SPAG6: variants seen among roughly 807,000 people sequenced by gnomAD.
SPAG6 encodes the protein sperm associated antigen 6.
In SPAG6, 49 loss-of-function variants were observed where a neutral mutation model predicts 58.5. That is an observed-to-expected ratio of 0.84 (90% CI 0.67 to 1.06). The LOEUF (loss-of-function observed/expected upper bound fraction) is 1.06, where lower values mean the gene tolerates loss of function less well. Among genes scored for constraint, SPAG6 ranks in the 50% least tolerant of loss-of-function variants. The probability of loss-of-function intolerance (pLI) is 0.00; values close to 1 mark genes in which losing one functional copy is unlikely to be tolerated. For synonymous variants in SPAG6, 233 were observed against 225.6 expected (o/e 1.03, Z -0.29); for missense variants, 560 against 611.3 (o/e 0.92, Z 0.89).
Position 22,387,888 on chromosome 10 carries a change from TG to T in SPAG6, c.745del (p.Glu249LysfsTer12). 1 of 1,613,686 alleles carries T rather than the reference TG, an allele frequency of 6.2e-7. No homozygotes were observed. The highest frequency in any genetic ancestry group is 2.2e-5 in the East Asian group (1 of 44,866). Reference sequence around the variant, plus strand: ...CCGTGGATCTGGCAGAAATGGTTGTTGAAGCAGAGATTTTTCCAGTTGTACT... The same window carrying T: ...CCGTGGATCTGGCAGAAATGGTTGTTAAGCAGAGATTTTTCCAGTTGTACT... ...HSVDLAEMVV[E>X]AEIFPVVLTC... On this transcript the variant is annotated frameshift_variant, in exon 6 of 11. Coordinates refer to ENST00000376624, the MANE Select transcript of SPAG6 (RefSeq NM_012443.4). LOFTEE classifies it high-confidence loss of function.
intron 2 of SPAG6, among the ~76,000 whole-genome samples, chr10:22,361,875 C>T (rs1385993029): frequency 6.6e-6 from 1 of 150,898 alleles, no homozygotes; most frequent in Non-Finnish European, 1.5e-5. Context: ...ATTCTTAAAT[C>T]CTTAATATGT....
intron 4 of SPAG6, among the ~76,000 whole-genome samples, chr10:22,380,663 A>G (rs963495838): frequency 3.9e-5 from 6 of 152,106 alleles, no homozygotes; most frequent in Admixed American, 3.9e-4. Context: ...TTGAAGTGAT[A>G]CAGCTGTATA....
At chr10:22,361,045 G>A (rs1837022174) in intron 2 of SPAG6, 2 of 527,700 alleles carry the variant, frequency 3.8e-6, no homozygotes, top group East Asian at 6.0e-5. Flanking sequence ...AGGAAGAGAA[G>A]CACATGGGGA....
chr10:22,349,813 A>G (rs1836668018), intron 2 of SPAG6, among the ~76,000 whole-genome samples: 1 of 152,208 alleles, frequency 6.6e-6, no homozygotes, highest in Admixed American at 6.5e-5. Context: ...AGGCAACTTA[A>G]TGGGTTCAGA....
intron 9 of SPAG6, among the ~76,000 whole-genome samples, chr10:22,405,872 G>C (rs1322741611): frequency 3.3e-5 from 5 of 152,212 alleles, no homozygotes; most frequent in East Asian, 1.9e-4. Flanking sequence ...TTGGGAGAGT[G>C]TATGTGTCGA....
intron 9 of SPAG6, among the ~76,000 whole-genome samples, chr10:22,409,816 A>G (rs546643373): frequency 6.6e-6 from 1 of 151,744 alleles, no homozygotes; most frequent in Non-Finnish European, 1.5e-5. Flanking sequence ...AAATTTCTTC[A>G]TTTCCACTGG....
intron 9 of SPAG6, among the ~76,000 whole-genome samples, chr10:22,403,597 G>A (rs1457464108): frequency 8.1e-5 from 12 of 148,608 alleles, no homozygotes; most frequent in South Asian, 6.3e-4. Flanking sequence ...ATAAACATAC[G>A]TGTGCATGTG....
At chr10:22,360,205 C>A (rs1034428381) in intron 2 of SPAG6, among the ~76,000 whole-genome samples, 3 of 151,690 alleles carry the variant, frequency 2.0e-5, no homozygotes, top group Non-Finnish European at 2.9e-5. Flanking sequence ...ATATATGTAT[C>A]CCTATTGCTT....
At chr10:22,386,638 T>A in intron 4 of SPAG6, 116 bp from the exon 5 acceptor site, 2 of 748,998 alleles carry the variant, frequency 2.7e-6, no homozygotes, top group South Asian at 3.2e-5. Flanking sequence ...ATGCAGATGT[T>A]GAGAGAGTGA....
intron 4 of SPAG6, among the ~76,000 whole-genome samples, chr10:22,380,399 G>A (rs190289681): frequency 1.3e-3 from 199 of 151,806 alleles, no homozygotes; most frequent in Middle Eastern, 3.4e-3. Context: ...TGCCTCCTGG[G>A]TTCAAGGGGT....
At chr10:22,368,365 A>G (rs1837254520) in intron 3 of SPAG6, 130 bp from the exon 4 acceptor site, 2 of 644,228 alleles carry the variant, frequency 3.1e-6, no homozygotes, top group Admixed American at 3.3e-5. Context: ...GATGTTTTTC[A>G]TCTTTTATAT....
chr10:22,389,115 C>T (rs750497656), intron 6 of SPAG6, 45 bp from the exon 7 acceptor site: 1 of 1,568,252 alleles, frequency 6.4e-7, no homozygotes. Context: ...TATTTAAAGA[C>T]CATCATAGGG....
Position 22,345,982 on chromosome 10 carries a change from G to A in SPAG6, c.121+164G>A. 6.5e-7 allele frequency: 1 copy of A among 1,549,080 alleles called. No homozygotes were observed. Reference sequence around the variant, plus strand: ...GGGTCTTTGGGGGTCAGGCCGAGAGGGTGAAGCTTCCAGATGGTTGTGGGA... The same window carrying A: ...GGGTCTTTGGGGGTCAGGCCGAGAGAGTGAAGCTTCCAGATGGTTGTGGGA... On this transcript the variant is annotated intron_variant, in intron 2 of 10. Transcript: ENST00000376624. The surrounding 1 kb of genome is among the most constrained non-coding windows in gnomAD (Gnocchi z 6.3).
At chr10:22,360,965 G>A (rs1837020244) in intron 2 of SPAG6, 3 of 700,776 alleles carry the variant, frequency 4.3e-6, no homozygotes, top group Non-Finnish European at 5.0e-6. Context: ...AGTTTTAAGA[G>A]AAACTTGTAG....
chr10:22,416,769 T>A lies in SPAG6; in HGVS notation c.*81T>A. On this transcript the variant is annotated 3_prime_UTR_variant, in exon 11 of 11. Coordinates refer to ENST00000376624, the MANE Select transcript of SPAG6 (RefSeq NM_012443.4). ...ATTAAATCCTTCTAAATATTTGAAC[T>A]AAGTATATTCTAGATTTATTTAATG... 1.3e-6 allele frequency: 1 copy of A among 781,790 alleles called. No homozygotes were observed. The highest frequency in any genetic ancestry group is 2.2e-6 in the Non-Finnish European group (1 of 444,762). The allele number at this position is 781,790 out of a possible 1,614,324, so 48.4% of individuals were successfully genotyped here.
rs781183074 is a variant in SPAG6 at position 22,411,153 on chromosome 10, T to C, written c.1437T>C (p.Ser479=). 3 of 1,609,114 alleles carry C rather than the reference T, an allele frequency of 1.9e-6. No homozygotes were observed. The highest frequency in any genetic ancestry group is 2.5e-6 in the Non-Finnish European group (3 of 1,178,188). Residue 479 remains serine, a synonymous_variant, in exon 10 of 11, where the codon AGT becomes AGC. Transcript: ENST00000376624. ...LLQEYINSIN[S]CYPEEIVRYY... Reference sequence around the variant, plus strand: ...AAGAATACATCAACAGTATTAACAGTTGTTACCCCGAGGAAATAGTGAGGT... The same window carrying C: ...AAGAATACATCAACAGTATTAACAGCTGTTACCCCGAGGAAATAGTGAGGT...
chr10:22,389,599 CA>C (rs1476439672), intron 7 of SPAG6, among the ~76,000 whole-genome samples: 5 of 152,224 alleles, frequency 3.3e-5, no homozygotes, highest in Admixed American at 1.3e-4. Flanking sequence ...ATTAATTGTA[CA>C]TATCTACAAA....
At chr10:22,367,849 A>T (rs1024186523) in intron 3 of SPAG6, among the ~76,000 whole-genome samples, 12 of 150,384 alleles carry the variant, frequency 8.0e-5, no homozygotes, top group Middle Eastern at 3.4e-3. Flanking sequence ...ATTTGCTTTT[A>T]TCTTAAAAAA....
At chr10:22,406,237 C>T (rs567034041) in intron 9 of SPAG6, among the ~76,000 whole-genome samples, 1 of 152,022 alleles carries the variant, frequency 6.6e-6, no homozygotes, top group African/African-American at 2.4e-5. Context: ...GTTAGGGTGT[C>T]AATTTTGGAT....
Sources: allele counts gnomAD v4.1 joint callset (sites outside exome capture counted in the v4.1 genomes callset), GRCh38; gene constraint gnomAD v4.1.1; non-coding constraint Gnocchi (gnomAD v3.1); transcripts MANE v1.5; gene names NCBI Gene and HGNC (gene_info 2026-07-23, HGNC 2026-07-21).